The following FNBP1 variants were observed in gnomAD, a reference collection of about 807,000 sequenced individuals.
FNBP1 encodes the protein formin binding protein 1, also known as formin-binding protein 1.
A neutral mutation model predicts 90.6 loss-of-function variants in FNBP1; 26 were observed. That is an observed-to-expected ratio of 0.29 (90% CI 0.21 to 0.40). The LOEUF is 0.40. FNBP1 is among the 10% of genes least tolerant of loss of function. The probability of loss-of-function intolerance (pLI) is 1.00; values close to 1 mark genes in which losing one functional copy is unlikely to be tolerated. For synonymous variants in FNBP1, 260 were observed against 265.2 expected (o/e 0.98, Z 0.19); for missense variants, 635 against 768.0 (o/e 0.83, Z 2.05).
intron 9 of FNBP1, 77 bp from the exon 10 acceptor site, chr9:129,924,103 A>G (rs2041527126): frequency 4.3e-6 from 6 of 1,398,000 alleles, no homozygotes; most frequent in East Asian, 5.7e-5. Context: ...AGCATCAAAT[A>G]ATATTTGAAA....
intron 16 of FNBP1, chr9:129,895,442 C>A: frequency 1.8e-6 from 2 of 1,115,362 alleles, no homozygotes; most frequent in Non-Finnish European, 2.2e-6. Flanking sequence ...TAGATATAAA[C>A]AAGAGTAGGG....
At chr9:130,045,657 A>G (rs1262620569), upstream of FNBP1, among the ~76,000 whole-genome samples, 1 of 152,248 alleles carries the variant, frequency 6.6e-6, no homozygotes, top group Non-Finnish European at 1.5e-5. Flanking sequence ...TTAATTATAC[A>G]ACACTGCAAA....
chr9:129,926,422 C>G (rs1214032626), intron 8 of FNBP1, among the ~76,000 whole-genome samples: 2 of 152,158 alleles, frequency 1.3e-5, no homozygotes, highest in Non-Finnish European at 2.9e-5. Context: ...ACCAGAGAAG[C>G]TTTTGCCCTC....
At chr9:129,926,114 G>A (rs1394465375) in intron 8 of FNBP1, among the ~76,000 whole-genome samples, 2 of 151,844 alleles carry the variant, frequency 1.3e-5, no homozygotes, top group Non-Finnish European at 2.9e-5. Context: ...TGGGACTACA[G>A]GGGCATACCA....
At chr9:129,911,174 C>G (rs2039213040) in intron 11 of FNBP1, among the ~76,000 whole-genome samples, 1 of 152,140 alleles carries the variant, frequency 6.6e-6, no homozygotes, top group South Asian at 2.1e-4. Context: ...TTGCTACAGT[C>G]TTTTGTTAAA....
intron 4 of FNBP1, among the ~76,000 whole-genome samples, chr9:129,960,949 T>A (rs1259772174): frequency 2.0e-5 from 3 of 151,898 alleles, no homozygotes; most frequent in African/African-American, 7.3e-5. Context: ...CTGAGAGAAG[T>A]GGGTCTGAGG....
intron 1 of FNBP1, among the ~76,000 whole-genome samples, chr9:130,002,137 C>A (rs996395423): frequency 2.0e-5 from 3 of 149,454 alleles, no homozygotes; most frequent in African/African-American, 7.4e-5. Flanking sequence ...TGCAGTGAGC[C>A]GAGATCGCGC....
At position 129,966,458 on chromosome 9, in the gene FNBP1, G is replaced by A. The variant is rs1207297294; in HGVS notation, c.346-7905C>T. 6.6e-6 allele frequency among the ~76,000 whole-genome samples: 1 copy of A among 152,194 alleles called. No homozygotes were observed. The highest frequency in any genetic ancestry group is 2.4e-5 in the African/African-American group (1 of 41,436). On this transcript the variant is annotated intron_variant, in intron 4 of 16. Coordinates refer to ENST00000446176, the MANE Select transcript of FNBP1 (RefSeq NM_015033.3). The surrounding 1 kb of genome is among the most constrained non-coding windows in gnomAD (Gnocchi z 4.3). ...AGAAAGGAAGTGACAGCCGGATGCA[G>A]TGGCTCACGCCTGTAATCCCAGCAC... is the stretch of plus-strand genomic sequence containing the variant.
At chr9:130,017,972 G>A (rs1489629423) in intron 1 of FNBP1, among the ~76,000 whole-genome samples, 7 of 138,258 alleles carry the variant, frequency 5.1e-5, no homozygotes, top group East Asian at 2.2e-4. Context: ...GGAGTGCAGC[G>A]GTGCAATCTC....
At chr9:129,911,930 C>CA (rs71497502) in intron 11 of FNBP1, among the ~76,000 whole-genome samples, 84,747 of 127,620 alleles carry the variant, frequency 0.66, 27,511 homozygotes, top group Non-Finnish European at 0.72. Context: ...GATTCTGTCT[C>CA]AAAAAAAAAA....
intron 4 of FNBP1, among the ~76,000 whole-genome samples, chr9:129,964,387 T>C (rs1292100152): frequency 1.3e-5 from 2 of 152,218 alleles, no homozygotes; most frequent in African/African-American, 4.8e-5. Context: ...TCTTACTTTC[T>C]GCTGTCATAA....
chr9:129,980,987 C>T (rs2130947553), intron 2 of FNBP1, among the ~76,000 whole-genome samples: 1 of 148,808 alleles, frequency 6.7e-6, no homozygotes, highest in Non-Finnish European at 1.5e-5. Context: ...GGAGGCGGAG[C>T]TTGCAGTGAG....
At chr9:129,941,387 TTAAATAAA>T (rs750976488) in intron 6 of FNBP1, among the ~76,000 whole-genome samples, 38 of 152,070 alleles carry the variant, frequency 2.5e-4, no homozygotes, top group Non-Finnish European at 4.7e-4. Context: ...AGACGCCATC[TTAAATAAA>T]TAAATAAATA....
rs1368447294 is a variant in FNBP1, at chr9:130,031,023, G to C, written c.24+11929C>G. On this transcript the variant is annotated intron_variant, in intron 1 of 16. Transcript: ENST00000446176. The surrounding 1 kb of genome is among the most constrained non-coding windows in gnomAD (Gnocchi z 4.2). ...GATTTACCCCACAAGCCAGAGCAGGGAACATGCCTCCCCCTTGAACATCTT... is the reference window on the plus strand; with the variant it reads ...GATTTACCCCACAAGCCAGAGCAGGCAACATGCCTCCCCCTTGAACATCTT... Among the ~76,000 whole-genome samples, 1 of 152,156 alleles carries C rather than the reference G, an allele frequency of 6.6e-6. No individual in the cohort carries two copies. The highest frequency in any genetic ancestry group is 2.4e-5 in the African/African-American group (1 of 41,426).
At chr9:130,051,466 A>G in the FNBP1 span, among the ~76,000 whole-genome samples, 3 of 152,248 alleles carry the variant, frequency 2.0e-5, no homozygotes, top group African/African-American at 7.2e-5. Context: ...TAATAATAAT[A>G]GCACTAGATT....
chr9:130,050,619 A>C, the FNBP1 span, among the ~76,000 whole-genome samples: 1 of 151,172 alleles, frequency 6.6e-6, no homozygotes, highest in Admixed American at 6.6e-5. Context: ...GTCTTAACAG[A>C]GGCTTTTGGT....
intron 11 of FNBP1, among the ~76,000 whole-genome samples, chr9:129,912,875 G>C (rs1390451691): frequency 6.6e-6 from 1 of 152,066 alleles, no homozygotes; most frequent in African/African-American, 2.4e-5. Flanking sequence ...AATGTGGCTG[G>C]TGAAATTGTG....
At chr9:129,923,744 G>T in intron 10 of FNBP1, 100 bp downstream of exon 10, 1 of 1,287,130 alleles carries the variant, frequency 7.8e-7, no homozygotes, top group Non-Finnish European at 1.0e-6. Flanking sequence ...ATATGTTATG[G>T]GAAAACACAA....
At position 129,889,914 on chromosome 9, in the gene FNBP1, C is replaced by G. The variant is rs1243711518; in HGVS notation, c.*625G>C. The G allele has an allele frequency of 4.2e-6, 1 of 236,326 alleles. No individual in the cohort carries two copies. The highest frequency in any genetic ancestry group is 5.6e-5 in the Admixed American group (1 of 17,846). The allele number at this position is 236,326 out of a possible 1,614,324, so 14.6% of individuals were successfully genotyped here. ...GGTGTGCCTGTGGGTGTGTGTGTAC[C>G]TGCCCCCCTGCCTGCCAGATGCTCC... is the stretch of plus-strand genomic sequence containing the variant. On this transcript the variant is annotated 3_prime_UTR_variant, in exon 17 of 17. Transcript: ENST00000446176.
Sources: allele counts gnomAD v4.1 joint callset (sites outside exome capture counted in the v4.1 genomes callset), GRCh38; gene constraint gnomAD v4.1.1; non-coding constraint Gnocchi (gnomAD v3.1); transcripts MANE v1.5; gene names NCBI Gene and HGNC (gene_info 2026-07-23, HGNC 2026-07-21).